PPP2R3A: variants seen among roughly 807,000 people sequenced by gnomAD.
The protein encoded by PPP2R3A is protein phosphatase 2 regulatory subunit B''alpha.
PPP2R3A carries 80 observed loss-of-function variants against 106.9 expected under a neutral mutation model. The ratio of observed to expected loss-of-function variants is 0.75; its 90% CI spans 0.62 to 0.90. The LOEUF (loss-of-function observed/expected upper bound fraction) is 0.90. Ranked by LOEUF, PPP2R3A falls within the 40% of genes least tolerant of loss-of-function variation. The probability of loss-of-function intolerance (pLI) is 0.00; values close to 1 mark genes in which losing one functional copy is unlikely to be tolerated. For synonymous variants in PPP2R3A, 483 were observed against 468.3 expected (o/e 1.03, Z -0.41); for missense variants, 1,386 against 1,350.4 (o/e 1.03, Z -0.41).
intron 10 of PPP2R3A, among the ~76,000 whole-genome samples, chr3:136,095,148 A>G (rs939640964): frequency 1.3e-5 from 2 of 151,020 alleles, no homozygotes; most frequent in East Asian, 1.9e-4. Flanking sequence ...TTTTTTTTCT[A>G]TGGGGGGAGG....
intron 4 of PPP2R3A, among the ~76,000 whole-genome samples, chr3:136,043,795 AT>A (rs1935377625): frequency 6.6e-6 from 1 of 152,170 alleles, no homozygotes; most frequent in African/African-American, 2.4e-5. Context: ...ACAAAATAAC[AT>A]TTTGTCCTAA....
intron 3 of PPP2R3A, among the ~76,000 whole-genome samples, chr3:136,036,121 C>T (rs541266303): frequency 6.6e-6 from 1 of 151,992 alleles, no homozygotes; most frequent in Non-Finnish European, 1.5e-5. Flanking sequence ...TTTCCCTTCA[C>T]TTGTATCATT....
chr3:136,096,328 G>C (rs572476176), intron 10 of PPP2R3A, among the ~76,000 whole-genome samples: 64 of 152,282 alleles, frequency 4.2e-4, no homozygotes, highest in African/African-American at 1.5e-3. Flanking sequence ...TTGAAAAAAT[G>C]AATTTCCTAA....
At position 136,082,367 on chromosome 3, in the gene PPP2R3A, A is replaced by T. The variant is rs769462162; in HGVS notation, c.2734A>T (p.Thr912Ser). ...TTATTGTAAATTCTGGGAACTAGAT[A>T]CTGATCACGACCTCTACATCAGCCA... is the stretch of plus-strand genomic sequence containing the variant. ...VIYCKFWELD[T>S]DHDLYISQAD... Residue 912 changes from threonine (T) to serine (S), a missense_variant, in exon 8 of 14, where the codon ACT (threonine) becomes TCT (serine). Physicochemically the swap from Thr to Ser is moderately conservative, Grantham distance 58. Coordinates refer to ENST00000264977, the MANE Select transcript of PPP2R3A (RefSeq NM_002718.5). The T allele has an allele frequency of 4.3e-6, 7 of 1,613,516 alleles. No homozygotes were observed. The highest frequency in any genetic ancestry group is 5.1e-6 in the Non-Finnish European group (6 of 1,179,418).
At chr3:136,126,556 G>A (rs1171808999) in intron 13 of PPP2R3A, among the ~76,000 whole-genome samples, 1 of 152,212 alleles carries the variant, frequency 6.6e-6, no homozygotes, top group Non-Finnish European at 1.5e-5. Flanking sequence ...ACCTCTATGG[G>A]CAGGGCATAC....
chr3:135,985,555 CAG>C (rs747338654), intron 1 of PPP2R3A, among the ~76,000 whole-genome samples: 10 of 152,164 alleles, frequency 6.6e-5, no homozygotes, highest in African/African-American at 9.7e-5. Flanking sequence ...TGAATTTCTG[CAG>C]AGAGTAGTCT....
intron 3 of PPP2R3A, among the ~76,000 whole-genome samples, chr3:136,036,096 A>G (rs1303775396): frequency 6.6e-6 from 1 of 151,718 alleles, no homozygotes; most frequent in African/African-American, 2.4e-5. Flanking sequence ...TATTTATGCT[A>G]TTTCCTTGAA....
chr3:136,087,380 A>G (rs1025490468), intron 8 of PPP2R3A: 2 of 150,134 alleles, frequency 1.3e-5, no homozygotes, highest in East Asian at 2.0e-4. Flanking sequence ...ATGTTATATC[A>G]TGTTAAACCC....
At chr3:135,979,111 G>A (rs1219452327) in intron 1 of PPP2R3A, among the ~76,000 whole-genome samples, 1 of 151,806 alleles carries the variant, frequency 6.6e-6, no homozygotes, top group African/African-American at 2.4e-5. Flanking sequence ...AGGCGTGGTG[G>A]CTCATGCCTG....
chr3:136,042,296 C>T (rs926493265), intron 4 of PPP2R3A, among the ~76,000 whole-genome samples: 4 of 151,944 alleles, frequency 2.6e-5, no homozygotes, highest in African/African-American at 9.7e-5. Flanking sequence ...ACAATGAGAA[C>T]ACATGGACAC....
intron 4 of PPP2R3A, among the ~76,000 whole-genome samples, chr3:136,042,443 T>C (rs1021423037): frequency 3.3e-5 from 5 of 152,178 alleles, no homozygotes; most frequent in African/African-American, 1.2e-4. Context: ...CCACAGCACG[T>C]GTTTATCTAT....
chr3:136,134,690 A>G (rs12330335), intron 13 of PPP2R3A, among the ~76,000 whole-genome samples: 1 of 152,084 alleles, frequency 6.6e-6, no homozygotes, highest in Non-Finnish European at 1.5e-5. Flanking sequence ...ATACTGTTCT[A>G]TAATTTATAA....
intron 2 of PPP2R3A, among the ~76,000 whole-genome samples, chr3:136,014,058 G>A (rs1385567191): frequency 6.6e-6 from 1 of 152,146 alleles, no homozygotes; most frequent in African/African-American, 2.4e-5. Context: ...TTCTGCATGT[G>A]ATTTGCCAGT....
intron 2 of PPP2R3A, 130 bp from the exon 3 acceptor site, chr3:136,026,702 C>T (rs1934671729): frequency 2.6e-6 from 2 of 766,098 alleles, no homozygotes; most frequent in Non-Finnish European, 4.1e-6. Context: ...ATGCTTACCA[C>T]CTTTAAGAGT....
intron 1 of PPP2R3A, among the ~76,000 whole-genome samples, chr3:135,984,940 A>G (rs1937586377): frequency 6.6e-6 from 1 of 152,038 alleles, no homozygotes; most frequent in African/African-American, 2.4e-5. Context: ...AGAAACTCCC[A>G]TTTTTAAAAC....
At chr3:136,142,503 A>G (rs1319509329) in intron 13 of PPP2R3A, among the ~76,000 whole-genome samples, 1 of 152,214 alleles carries the variant, frequency 6.6e-6, no homozygotes, top group Non-Finnish European at 1.5e-5. Flanking sequence ...ACAAAAATGT[A>G]TAATCCCTCC....
chr3:136,047,176 C>T (rs1368717041), intron 4 of PPP2R3A, among the ~76,000 whole-genome samples: 2 of 152,174 alleles, frequency 1.3e-5, no homozygotes, highest in Non-Finnish European at 2.9e-5. Context: ...AGGATATAGT[C>T]CACGGAAATT....
In PPP2R3A at chr3:136,002,893, G is replaced by A; in HGVS notation, c.1395G>A (p.Met465Ile). ...ATCTTAAAAAATGCCCCACCCCAATGCAAAATGAAATTGGTAAGATATTTG... is the reference window on the plus strand; with the variant it reads ...ATCTTAAAAAATGCCCCACCCCAATACAAAATGAAATTGGTAAGATATTTG... ...ATHLKKCPTP[M>I]QNEIGKIFEK... Residue 465 changes from methionine to isoleucine, a missense_variant, in exon 2 of 14, where the codon ATG becomes ATA. By Grantham distance (10) the Met-to-Ile change is conservative. Coordinates refer to ENST00000264977, the MANE Select transcript of PPP2R3A (RefSeq NM_002718.5). 3.1e-6 allele frequency: 5 copies of A among 1,612,770 alleles called. No homozygotes were observed. The highest frequency in any genetic ancestry group is 4.2e-6 in the Non-Finnish European group (5 of 1,179,642).
At chr3:135,978,745 A>G (rs1937489583) in intron 1 of PPP2R3A, among the ~76,000 whole-genome samples, 1 of 151,890 alleles carries the variant, frequency 6.6e-6, no homozygotes, top group Non-Finnish European at 1.5e-5. Context: ...TCGAAAATGT[A>G]AGTATCAGGT....
Sources: gnomAD v4.1 joint callset for allele counts (sites outside exome capture counted in the v4.1 genomes callset) on GRCh38, gnomAD v4.1.1 for gene constraint, MANE v1.5 for transcripts, NCBI Gene and HGNC (gene_info 2026-07-23, HGNC 2026-07-21) for gene names.